Variants in COL19A1 observed in about 807,000 individuals in gnomAD.
The protein encoded by COL19A1 is collagen alpha-1(XIX) chain.
A neutral mutation model predicts 190.2 loss-of-function variants in COL19A1; 159 were observed. The ratio of observed to expected loss-of-function variants is 0.84; its 90% CI spans 0.73 to 0.95. The LOEUF is 0.95. Ranked by LOEUF, COL19A1 falls within the 40% of genes least tolerant of loss-of-function variation. The pLI is 0.00. For missense variants in COL19A1, 1,418 were observed against 1,431.9 expected (o/e 0.99, Z 0.16); for synonymous variants, 509 against 458.9 (o/e 1.11, Z -1.39).
intron 49 of COL19A1, among the ~76,000 whole-genome samples, chr6:70,202,540 G>A (rs612668): frequency 0.12 from 18,636 of 152,136 alleles, 2,822 homozygotes; most frequent in African/African-American, 0.36. Context: ...GGTTTGAAAT[G>A]TGCACTATGG....
Position 70,207,298 on chromosome 6 carries a change from C to A in COL19A1, c.*24C>A. On this transcript the variant is annotated 3_prime_UTR_variant, in exon 51 of 51. Coordinates refer to ENST00000620364, the MANE Select transcript of COL19A1 (RefSeq NM_001858.6). ...GAACACACCTGAAGAAGACTTGGTT[C>A]CTGGTAACATTTCCTTGCCACTGGA... 1 of 1,600,238 alleles carries A rather than the reference C, an allele frequency of 6.2e-7. No individual in the cohort carries two copies. The highest frequency in any genetic ancestry group is 1.1e-5 in the South Asian group (1 of 90,318).
intron 11 of COL19A1, among the ~76,000 whole-genome samples, chr6:69,979,423 T>C (rs927388254): frequency 1.3e-5 from 2 of 151,874 alleles, no homozygotes; most frequent in Non-Finnish European, 2.9e-5. Context: ...AGTTAAATGA[T>C]TATATCAGTA....
chr6:70,126,034 A>G (rs1785172991), intron 17 of COL19A1, among the ~76,000 whole-genome samples: 1 of 152,140 alleles, frequency 6.6e-6, no homozygotes, highest in South Asian at 2.1e-4. Context: ...TTAAAGCTCC[A>G]TATTGAAAAT....
intron 15 of COL19A1, among the ~76,000 whole-genome samples, chr6:70,072,381 GA>G (rs1273474854): frequency 1.3e-5 from 2 of 152,066 alleles, no homozygotes; most frequent in East Asian, 3.9e-4. Flanking sequence ...CTAGGTCTCT[GA>G]AAAAAGACAT....
At chr6:69,943,048 C>T (rs925387945) in intron 9 of COL19A1, among the ~76,000 whole-genome samples, 2 of 152,030 alleles carry the variant, frequency 1.3e-5, no homozygotes, top group African/African-American at 4.8e-5. Context: ...TTCTCCACAA[C>T]TTTGGTAGCA....
At chr6:69,918,513 A>G (rs776588815) in intron 4 of COL19A1, among the ~76,000 whole-genome samples, 1 of 152,166 alleles carries the variant, frequency 6.6e-6, no homozygotes, top group Non-Finnish European at 1.5e-5. Flanking sequence ...CCTAGGAAAC[A>G]TGGCGAAATT....
At chr6:70,103,342 G>C (rs911978978) in intron 16 of COL19A1, among the ~76,000 whole-genome samples, 7 of 152,140 alleles carry the variant, frequency 4.6e-5, no homozygotes, top group African/African-American at 1.2e-4. Flanking sequence ...TCATCTGAGA[G>C]CTGGTCTCAT....
chr6:70,085,200 C>CT (rs1782507158), intron 15 of COL19A1, among the ~76,000 whole-genome samples: 2 of 152,184 alleles, frequency 1.3e-5, no homozygotes, highest in Non-Finnish European at 2.9e-5. Flanking sequence ...AATCCGAAGA[C>CT]TTTTCTGGAT....
chr6:69,897,019 T>C (rs1420224774), intron 2 of COL19A1, among the ~76,000 whole-genome samples: 1 of 152,208 alleles, frequency 6.6e-6, no homozygotes, highest in African/African-American at 2.4e-5. Context: ...TCTTCTTTTG[T>C]GATTAATGGT....
chr6:70,139,259 C>T (rs1016859515), intron 19 of COL19A1, among the ~76,000 whole-genome samples: 8 of 152,030 alleles, frequency 5.3e-5, no homozygotes, highest in Non-Finnish European at 8.8e-5. Context: ...GTTATTGGTC[C>T]ATGGACCACA....
intron 2 of COL19A1, among the ~76,000 whole-genome samples, chr6:69,892,314 G>C (rs1021189702): frequency 3.3e-5 from 5 of 152,170 alleles, no homozygotes; most frequent in African/African-American, 1.2e-4. Flanking sequence ...TTGGTTCACA[G>C]GAACAAGCAG....
intron 48 of COL19A1, among the ~76,000 whole-genome samples, chr6:70,198,206 C>T (rs982120854): frequency 1.3e-5 from 2 of 152,136 alleles, no homozygotes; most frequent in African/African-American, 4.8e-5. Context: ...TGACGGCTAT[C>T]GTTTCTACTG....
intron 9 of COL19A1, among the ~76,000 whole-genome samples, chr6:69,949,806 A>G (rs1379712595): frequency 6.6e-6 from 1 of 151,848 alleles, no homozygotes; most frequent in Admixed American, 6.6e-5. Flanking sequence ...GCTTTGCTTT[A>G]CATAGAATCA....
intron 11 of COL19A1, among the ~76,000 whole-genome samples, chr6:69,972,364 A>G (rs1375381312): frequency 2.0e-5 from 3 of 152,136 alleles, no homozygotes; most frequent in African/African-American, 7.2e-5. Context: ...TTCTTTCTCC[A>G]ATAGAGTAGA....
chr6:70,097,355 C>T (rs1325016249), intron 15 of COL19A1, among the ~76,000 whole-genome samples: 2 of 152,068 alleles, frequency 1.3e-5, no homozygotes, highest in Non-Finnish European at 2.9e-5. Context: ...TTCATCCATG[C>T]TGTTGCATGG....
intron 11 of COL19A1, among the ~76,000 whole-genome samples, chr6:70,016,370 A>T (rs1279087802): frequency 2.3e-5 from 3 of 129,194 alleles, no homozygotes; most frequent in African/African-American, 6.9e-5. Flanking sequence ...GTATAATAAA[A>T]AAAAAAAAAA....
chr6:70,174,631 C>T (rs1328218353), intron 41 of COL19A1, among the ~76,000 whole-genome samples: 1 of 151,892 alleles, frequency 6.6e-6, no homozygotes, highest in Non-Finnish European at 1.5e-5. Context: ...GGTAAAGACA[C>T]AGAATAGGAG....
At chr6:70,000,056 TC>T (rs1045963907) in intron 11 of COL19A1, among the ~76,000 whole-genome samples, 4 of 152,140 alleles carry the variant, frequency 2.6e-5, no homozygotes, top group African/African-American at 7.2e-5. Flanking sequence ...TGTGTGTTGT[TC>T]CCCTCCCTGT....
intron 1 of COL19A1, among the ~76,000 whole-genome samples, chr6:69,867,963 C>T (rs1767580328): frequency 6.6e-6 from 1 of 151,818 alleles, no homozygotes; most frequent in African/African-American, 2.4e-5. Context: ...CCCTCAATCC[C>T]CAATTCCAAG....
Sources: gnomAD v4.1 joint callset for allele counts (sites outside exome capture counted in the v4.1 genomes callset) on GRCh38, gnomAD v4.1.1 for gene constraint, MANE v1.5 for transcripts, NCBI Gene and HGNC (gene_info 2026-07-23, HGNC 2026-07-21) for gene names.